The following NPIPA9 variants were observed in gnomAD, a reference collection of about 807,000 sequenced individuals.
The protein encoded by NPIPA9 is nuclear pore complex-interacting protein family member A9.
chr16:18,376,604 T>C (rs1596825109), intron 1 of NPIPA9, 132 bp downstream of exon 1: 2 of 186,680 alleles, frequency 1.1e-5, no homozygotes, highest in East Asian at 1.1e-4. Context: ...CTCAAGTGTG[T>C]TGACCCTTCC....
chr16:18,365,010 C>T (rs1900490358), intron 4 of NPIPA9, among the ~76,000 whole-genome samples: 1 of 132,380 alleles, frequency 7.6e-6, no homozygotes, highest in Non-Finnish European at 1.6e-5. Flanking sequence ...CATGGTGGCT[C>T]ACTCCTGTAA....
intron 4 of NPIPA9, among the ~76,000 whole-genome samples, chr16:18,364,892 G>A (rs1374059180): frequency 1.6e-5 from 2 of 126,452 alleles, no homozygotes; most frequent in East Asian, 4.3e-4. Flanking sequence ...AGTGAGCCGA[G>A]ATCACACCAC....
At chr16:18,371,451 T>TAAAAAAAAAAAAAAAAA (rs778066038) in intron 3 of NPIPA9, among the ~76,000 whole-genome samples, 1 of 56,642 alleles carries the variant, frequency 1.8e-5, no homozygotes, top group African/African-American at 7.3e-5. Flanking sequence ...GACTCTGTCT[T>TAAAAAAAAAAAAAAAAA]AAAAAAAAAA....
intron 2 of NPIPA9, chr16:18,374,383 G>A (rs1408005127): frequency 1.3e-5 from 2 of 155,250 alleles, no homozygotes; most frequent in East Asian, 1.3e-4. Flanking sequence ...GCAGTGAGCC[G>A]AGATCGTACC....
At chr16:18,364,931 ACT>A (rs1364823745) in intron 4 of NPIPA9, among the ~76,000 whole-genome samples, 6 of 13,096 alleles carry the variant, frequency 4.6e-4, no homozygotes, top group East Asian at 1.4e-3. Flanking sequence ...ACAGAATGAG[ACT>A]CTGTCACACA....
intron 6 of NPIPA9, among the ~76,000 whole-genome samples, chr16:18,363,523 C>T (rs1900472110): frequency 9.3e-6 from 1 of 107,742 alleles, no homozygotes; most frequent in Non-Finnish European, 1.8e-5. Context: ...AAAAATTGGC[C>T]GAATGTGGTG....
In NPIPA9 at chr16:18,371,437, A is replaced by G. The variant is rs4085173; in HGVS notation, c.63+1286T>C. Reference sequence around the variant, plus strand: ...ACTGCACTCCAGCCTGGGCGACAGAATGAGACTCTGTCTTAAAAAAAAAAA... The same window carrying G: ...ACTGCACTCCAGCCTGGGCGACAGAGTGAGACTCTGTCTTAAAAAAAAAAA... On this transcript the variant is annotated intron_variant, in intron 3 of 9. Coordinates refer to ENST00000427999, the Ensembl canonical transcript of NPIPA9. 5.9e-4 allele frequency: 124 copies of G among 210,912 alleles called. 1 individual carries two copies. In the Middle Eastern group the frequency reaches 6.9e-3, roughly 12 times the overall value. The allele number at this position is 210,912 out of a possible 1,614,324, so 13.1% of individuals were successfully genotyped here.
intron 1 of NPIPA9, among the ~76,000 whole-genome samples, chr16:18,375,277 C>G (rs1231674203): frequency 1.4e-5 from 2 of 146,456 alleles, no homozygotes; most frequent in East Asian, 2.0e-4. Context: ...ACTGGTGCAG[C>G]TAAGGAACAG....
intron 6 of NPIPA9, among the ~76,000 whole-genome samples, chr16:18,363,583 C>G (rs1900473884): frequency 2.1e-5 from 1 of 47,360 alleles, no homozygotes; most frequent in Non-Finnish European, 3.8e-5. Flanking sequence ...AGAATTGCTT[C>G]AAACTGGGAG....
chr16:18,372,796 C>T (rs1462718094), exon 3 of NPIPA9: 1 of 2,738 alleles, frequency 3.7e-4, no homozygotes, highest in South Asian at 2.0e-3. Context: ...CAGCAGGATG[C>T]GGAAGGTCCC....
intron 3 of NPIPA9, chr16:18,372,084 C>A (rs1243972578): frequency 3.8e-5 from 2 of 53,064 alleles, no homozygotes; most frequent in South Asian, 2.5e-4. Flanking sequence ...GGGAAGGGGA[C>A]GGGGACCGGG....
At chr16:18,370,453 A>G (rs1900528133) in intron 3 of NPIPA9, among the ~76,000 whole-genome samples, 2 of 76,578 alleles carry the variant, frequency 2.6e-5, no homozygotes, top group Non-Finnish European at 5.1e-5. Context: ...TAACATTTCT[A>G]CATCGATTCC....
intron 3 of NPIPA9, 56 bp downstream of exon 3, chr16:18,372,667 T>C: frequency 2.5e-4 from 1 of 4,012 alleles, no homozygotes; most frequent in Non-Finnish European, 5.5e-4. Flanking sequence ...AAGGTCACTT[T>C]TGGCGACAAA....
intron 3 of NPIPA9, among the ~76,000 whole-genome samples, chr16:18,370,042 A>T (rs1259640225): frequency 7.2e-6 from 1 of 138,758 alleles, no homozygotes; most frequent in Non-Finnish European, 1.6e-5. Context: ...CTGCAATCCC[A>T]GCACTTTGGG....
In NPIPA9 at chr16:18,375,081, G is replaced by C. The variant is rs1434910681; in HGVS notation, c.-307-12C>G. Reference sequence around the variant, plus strand: ...GGGCTCCCAGCCACCTGCAGGACAAGGGCAGTGGTCAGCGGGCGGCAGCTC... The same window carrying C: ...GGGCTCCCAGCCACCTGCAGGACAACGGCAGTGGTCAGCGGGCGGCAGCTC... On this transcript the variant is annotated splice_polypyrimidine_tract_variant and intron_variant, in intron 1 of 9. Transcript: ENST00000427999. 176 of 733,830 alleles carry C rather than the reference G, an allele frequency of 2.4e-4. 24 individuals are homozygous for C. Among genetic ancestry groups the C allele is most frequent in the South Asian group, 1.4e-3 (84 of 58,760 alleles). The allele number at this position is 733,830 out of a possible 1,614,324, so 45.5% of individuals were successfully genotyped here.
intron 3 of NPIPA9, among the ~76,000 whole-genome samples, chr16:18,370,215 G>T (rs1374106540): frequency 7.9e-6 from 1 of 126,302 alleles, no homozygotes; most frequent in Non-Finnish European, 1.7e-5. Context: ...ACTTGAACCT[G>T]GGAGGTAGAG....
intron 4 of NPIPA9, among the ~76,000 whole-genome samples, chr16:18,365,274 CAAAAAAAA>C (rs1208437581): frequency 5.3e-5 from 2 of 37,474 alleles, no homozygotes; most frequent in East Asian, 1.1e-3. Context: ...AACTCTGTCT[CAAAAAAAA>C]AAAAAAAAAA....
At chr16:18,363,509 A>C (rs1900471665) in intron 6 of NPIPA9, among the ~76,000 whole-genome samples, 1 of 113,726 alleles carries the variant, frequency 8.8e-6, no homozygotes, top group Non-Finnish European at 1.8e-5. Context: ...AAAAAAAAAA[A>C]AAAAAAAATT....
intron 3 of NPIPA9, among the ~76,000 whole-genome samples, chr16:18,371,451 T>TAAAAAAAAAAAAAA (rs778066038): frequency 1.1e-4 from 6 of 56,628 alleles, no homozygotes; most frequent in African/African-American, 3.6e-4. Context: ...GACTCTGTCT[T>TAAAAAAAAAAAAAA]AAAAAAAAAA....
Sources: gnomAD v4.1 joint callset for allele counts (sites outside exome capture counted in the v4.1 genomes callset) on GRCh38, gnomAD v4.1.1 for gene constraint, MANE v1.5 for transcripts, NCBI Gene and HGNC (gene_info 2026-07-23, HGNC 2026-07-21) for gene names.